BZW1: variants seen among roughly 807,000 people sequenced by gnomAD.
BZW1 encodes the protein basic leucine zipper and W2 domains 1, also known as eIF5-mimic protein 2.
Under a neutral mutation model 54.1 loss-of-function variants are expected in BZW1, and 3 were observed. The observed-to-expected ratio is 0.06, with a 90% CI of 0.03 to 0.14. The LOEUF is 0.14. Among genes scored for constraint, BZW1 ranks in the 10% least tolerant of loss-of-function variants. BZW1 has a pLI of 1.00. For missense variants in BZW1, 206 were observed against 491.7 expected (o/e 0.42, Z 5.50); for synonymous variants, 152 against 162.7 (o/e 0.93, Z 0.50).
At position 200,826,404 on chromosome 2, in the gene BZW1, GA is replaced by G. The variant is rs2038698036; in HGVS notation, c.*4227del. 1.8e-5 allele frequency: 1 copy of G among 55,748 alleles called. No homozygotes were observed. The highest frequency in any genetic ancestry group is 3.7e-5 in the Non-Finnish European group (1 of 27,232). The allele number at this position is 55,748 out of a possible 1,614,324, so 3.5% of individuals were successfully genotyped here. On this transcript the variant is annotated 3_prime_UTR_variant, in exon 12 of 12. Coordinates refer to ENST00000409600, the MANE Select transcript of BZW1 (RefSeq NM_001207067.2). ...AGATAGATAGATAGATAGATAGATA[GA>G]TATTTTTTTTTTTTTTTTTTTTTTT...
At chr2:200,812,362 G>T in intron 1 of BZW1, 1 of 1,280,576 alleles carries the variant, frequency 7.8e-7, no homozygotes, top group South Asian at 2.7e-5. Context: ...ACCCACCACC[G>T]CTGCGGCCGC....
chr2:200,823,855 T>C lies in BZW1; in HGVS notation c.*1677T>C, dbSNP rs1184415683. 1 of 147,194 alleles carries C rather than the reference T, an allele frequency of 6.8e-6. No individual in the cohort carries two copies. Among genetic ancestry groups the C allele is most frequent in the Non-Finnish European group, 1.5e-5 (1 of 66,246 alleles). 9.1% of individuals were successfully genotyped at this position (147,194 alleles called of 1,614,324 possible). ...TACACTTAGGCTTTATACATCAGTC[T>C]TTTTTTTTTTAAATTCCATGTTAAT... is the stretch of plus-strand genomic sequence containing the variant. On this transcript the variant is annotated 3_prime_UTR_variant, in exon 12 of 12. Transcript: ENST00000409600.
At position 200,817,100 on chromosome 2, in the gene BZW1, T is replaced by G; in HGVS notation, c.403-6T>G. ...TTTTAACCCTTAATTGTTTTACTTT[T>G]TACAGCTGCTGCTGTTCTTGAAGGG... On this transcript the variant is annotated splice_region_variant and splice_polypyrimidine_tract_variant and intron_variant, in intron 5 of 11. Transcript: ENST00000409600. The G allele has an allele frequency of 6.2e-7, 1 of 1,613,296 alleles. No homozygotes were observed. The highest frequency in any genetic ancestry group is 8.5e-7 in the Non-Finnish European group (1 of 1,179,694).
Position 200,826,859 on chromosome 2 carries a change from G to GT in BZW1, c.*4682dup, listed in dbSNP as rs2038715000. The GT allele has an allele frequency of 6.6e-6, 1 of 151,954 alleles. No homozygotes were observed. 9.4% of individuals were successfully genotyped at this position (151,954 alleles called of 1,614,324 possible). On this transcript the variant is annotated 3_prime_UTR_variant, in exon 12 of 12. Coordinates refer to ENST00000409600, the MANE Select transcript of BZW1 (RefSeq NM_001207067.2). ...TTGAGCTGTTCTGTTTCCAGTCAGT[G>GT]TAACCATTTAAAAATACCTTGGCAA...
intron 8 of BZW1, 119 bp from the exon 9 acceptor site, chr2:200,818,636 G>T: frequency 8.6e-7 from 1 of 1,165,590 alleles, no homozygotes; most frequent in South Asian, 1.6e-5. Flanking sequence ...TGGTACACAT[G>T]TGGTTGCCAG....
chr2:200,825,740 GAT>G lies in BZW1; in HGVS notation c.*3564_*3565del, dbSNP rs1235936006. 1 of 152,204 alleles carries G rather than the reference GAT, an allele frequency of 6.6e-6. No individual in the cohort carries two copies. Among genetic ancestry groups the G allele is most frequent in the Non-Finnish European group, 1.5e-5 (1 of 68,030 alleles). 9.4% of individuals were successfully genotyped at this position (152,204 alleles called of 1,614,324 possible). On this transcript the variant is annotated 3_prime_UTR_variant, in exon 12 of 12. Coordinates refer to ENST00000409600, the MANE Select transcript of BZW1 (RefSeq NM_001207067.2). ...GAATTAAAGTTGTAGGCATAACACT[GAT>G]AAACCTCTGCTCTCATACTGAAGTA...
At chr2:200,813,877 A>G (rs1371573545) in intron 2 of BZW1, among the ~76,000 whole-genome samples, 1 of 152,138 alleles carries the variant, frequency 6.6e-6, no homozygotes, top group Non-Finnish European at 1.5e-5. Flanking sequence ...TCTCAGATAT[A>G]TTTTTACTGT....
At position 200,823,480 on chromosome 2, in the gene BZW1, A is replaced by G. The variant is rs1575063004; in HGVS notation, c.*1302A>G. The G allele has an allele frequency of 2.6e-5, 4 of 151,524 alleles. No individual in the cohort carries two copies. The highest frequency in any genetic ancestry group is 2.0e-4 in the Admixed American group (3 of 15,152). 9.4% of individuals were successfully genotyped at this position (151,524 alleles called of 1,614,324 possible). ...GGAAGACTTTGTGTTAAAAGTGAAC[A>G]TTTTGAAGGTTTTTAACTGGTGAAA... On this transcript the variant is annotated 3_prime_UTR_variant, in exon 12 of 12. Transcript: ENST00000409600.
At position 200,811,969 on chromosome 2, in the gene BZW1, T is replaced by G. The variant is rs1026787878; in HGVS notation, c.-32T>G. The G allele has an allele frequency of 1.5e-5, 5 of 338,376 alleles. No individual in the cohort carries two copies. The highest frequency in any genetic ancestry group is 2.7e-5 in the Non-Finnish European group (5 of 187,902). The allele number at this position is 338,376 out of a possible 1,614,324, so 21.0% of individuals were successfully genotyped here. On this transcript the variant is annotated 5_prime_UTR_variant, in exon 1 of 12. Transcript: ENST00000409600. Reference sequence around the variant, plus strand: ...CCGGTACATCGGGGATTTCTGGCTCTTTCCTCTTCGCCTTAAATTCGGTGA... The same window carrying G: ...CCGGTACATCGGGGATTTCTGGCTCGTTCCTCTTCGCCTTAAATTCGGTGA...
At chr2:200,817,338 G>GTTTATTAACCAGCC in intron 6 of BZW1, 97 bp downstream of exon 6, 1 of 1,413,756 alleles carries the variant, frequency 7.1e-7, no homozygotes, top group Admixed American at 2.0e-5. Context: ...GAAAGTCTTC[G>GTTTATTAACCAGCC]TTTATTAACC....
intron 6 of BZW1, among the ~76,000 whole-genome samples, chr2:200,817,552 G>A (rs961290526): frequency 6.6e-6 from 1 of 152,088 alleles, no homozygotes; most frequent in African/African-American, 2.4e-5. Flanking sequence ...AGAAGATGAC[G>A]TTTGGGGAAA....
rs765964327 is a variant in BZW1 at position 200,820,013 on chromosome 2, C to G, written c.998C>G (p.Thr333Ser). ...QYSPLLAAFT[T>S]QGQSELTLLL... ...AGCCCTCTACTTGCTGCCTTTACTA[C>G]TCAAGGTCAGTCTGAGCTGACTCTG... The change falls in exon 10 of 12, where the codon ACT becomes AGT. Residue 333 changes from threonine (T) to serine (S), a missense_variant. Around this residue, in one of 5 missense-constraint regions of BZW1, gnomAD observed 60 missense variants for 151.8 expected, o/e 0.40. Transcript: ENST00000409600. 39 of 1,536,068 alleles carry G rather than the reference C, an allele frequency of 2.5e-5. No homozygotes were observed. Among genetic ancestry groups the G allele is most frequent in the Non-Finnish European group, 3.2e-5 (37 of 1,139,868 alleles).
chr2:200,826,421 T>TAGATAGATAGATAGA lies in BZW1; in HGVS notation c.*4243_*4244insAGATAGATAGATAGA. The TAGATAGATAGATAGA allele has an allele frequency of 1.1e-5, 1 of 87,732 alleles. No individual in the cohort carries two copies. The allele number at this position is 87,732 out of a possible 1,614,324, so 5.4% of individuals were successfully genotyped here. A position where few individuals can be genotyped will look rare whatever the true frequency, so the allele number is the denominator to read the frequency against. On this transcript the variant is annotated 3_prime_UTR_variant, in exon 12 of 12. Coordinates refer to ENST00000409600, the MANE Select transcript of BZW1 (RefSeq NM_001207067.2). ...GATAGATAGATATTTTTTTTTTTTT[T>TAGATAGATAGATAGA]TTTTTTTTTTTTTTTTTTTTTGAGA...
rs1024596218 is a variant in BZW1 at position 200,824,474 on chromosome 2, T to C, written c.*2296T>C. On this transcript the variant is annotated 3_prime_UTR_variant, in exon 12 of 12. Transcript: ENST00000409600. Reference sequence around the variant, plus strand: ...TTTCTTAGCCTTACTCTGTGAGTTATAGATGTTATTTCATTCTATATATAG... The same window carrying C: ...TTTCTTAGCCTTACTCTGTGAGTTACAGATGTTATTTCATTCTATATATAG... 5 of 151,982 alleles carry C rather than the reference T, an allele frequency of 3.3e-5. No individual in the cohort carries two copies. The highest frequency in any genetic ancestry group is 1.2e-4 in the African/African-American group (5 of 41,428). The allele number at this position is 151,982 out of a possible 1,614,324, so 9.4% of individuals were successfully genotyped here.
rs2038553200 is a variant in BZW1 at position 200,822,187 on chromosome 2, A to G, written c.*9A>G. 6.3e-7 allele frequency: 1 copy of G among 1,597,950 alleles called. No homozygotes were observed. Among genetic ancestry groups the G allele is most frequent in the Admixed American group, 1.7e-5 (1 of 58,316 alleles). On this transcript the variant is annotated 3_prime_UTR_variant, in exon 12 of 12. Coordinates refer to ENST00000409600, the MANE Select transcript of BZW1 (RefSeq NM_001207067.2). ...CTGAAGAAGGTGACTGAATTTTGAA[A>G]CTACACCCTCAGTAAAGCAAACAGG...
intron 10 of BZW1, among the ~76,000 whole-genome samples, chr2:200,820,924 A>G (rs2038485176): frequency 6.6e-6 from 1 of 152,232 alleles, no homozygotes; most frequent in Admixed American, 6.5e-5. Context: ...TAAAGTGGCT[A>G]GTAAAGACAA....
chr2:200,820,984 T>G (rs1372260505), intron 10 of BZW1, among the ~76,000 whole-genome samples, 199 bp from the exon 11 acceptor site: 1 of 152,242 alleles, frequency 6.6e-6, no homozygotes, highest in African/African-American at 2.4e-5. Flanking sequence ...CACTTTGAAA[T>G]TCTGCACTAA....
chr2:200,812,496 C>G, intron 1 of BZW1: 2 of 1,374,250 alleles, frequency 1.5e-6, no homozygotes, highest in South Asian at 1.7e-5. Context: ...GCGACAGGGT[C>G]AGTGGAGAAA....
intron 10 of BZW1, among the ~76,000 whole-genome samples, chr2:200,820,738 T>G (rs1173633779): frequency 6.6e-6 from 1 of 152,146 alleles, no homozygotes; most frequent in Non-Finnish European, 1.5e-5. Flanking sequence ...CTTAGCTATG[T>G]AGTCATAGCT....
Sources: allele counts gnomAD v4.1 joint callset (sites outside exome capture counted in the v4.1 genomes callset), GRCh38; gene constraint gnomAD v4.1.1; regional missense constraint gnomAD v4.1.1; transcripts MANE v1.5; gene names NCBI Gene and HGNC (gene_info 2026-07-23, HGNC 2026-07-21).